The following DGLUCY variants were observed in gnomAD, a reference collection of about 807,000 sequenced individuals.
The protein encoded by DGLUCY is D-glutamate cyclase.
In DGLUCY, 58 loss-of-function variants were observed where a neutral mutation model predicts 58.5. The ratio of observed to expected loss-of-function variants is 0.99; its 90% CI spans 0.80 to 1.23. The LOEUF (loss-of-function observed/expected upper bound fraction) is 1.23. DGLUCY is among the 50% of genes most tolerant of loss of function. The probability of loss-of-function intolerance (pLI) is 0.00; values close to 1 mark genes in which losing one functional copy is unlikely to be tolerated. For synonymous variants in DGLUCY, 325 were observed against 314.1 expected, an observed-to-expected ratio of 1.03 and a Z score of -0.37; for missense variants, 779 against 784.7, an observed-to-expected ratio of 0.99 and a Z score of 0.09.
At position 91,114,084 on chromosome 14, in the gene DGLUCY, GC is replaced by G. The variant is rs1024332551; in HGVS notation, c.-280del. 1 of 152,344 alleles carries G rather than the reference GC, an allele frequency of 6.6e-6. No individual in the cohort carries two copies. The highest frequency in any genetic ancestry group is 1.5e-5 in the Non-Finnish European group (1 of 68,128). 9.4% of individuals were successfully genotyped at this position (152,344 alleles called of 1,614,324 possible). On this transcript the variant is annotated 5_prime_UTR_variant, in exon 1 of 14. Transcript: ENST00000256324. ...GGCCACGTGAGCTCAGGCTGTGGGA[GC>G]GGATGGAGCTGCTACAGTCAGCGCT...
At chr14:91,099,075 A>C (rs1303156731) in intron 1 of DGLUCY, among the ~76,000 whole-genome samples, 1 of 152,222 alleles carries the variant, frequency 6.6e-6, no homozygotes, top group Non-Finnish European at 1.5e-5. Flanking sequence ...GGAGAATGAG[A>C]GAAGATGAAG....
chr14:91,200,948 A>G (rs1057095067), intron 11 of DGLUCY, among the ~76,000 whole-genome samples: 1 of 141,478 alleles, frequency 7.1e-6, no homozygotes, highest in African/African-American at 2.7e-5. Flanking sequence ...CACAAAGTAC[A>G]TTCTCAAGGG....
chr14:91,103,670 T>C (rs935370233), upstream of DGLUCY, among the ~76,000 whole-genome samples: 7 of 152,164 alleles, frequency 4.6e-5, no homozygotes, highest in Non-Finnish European at 8.8e-5. Context: ...TCTGTCTTTC[T>C]CTCTTTATAT....
rs1410547712 is a variant in DGLUCY, at chr14:91,198,020, TGA to T, written c.1295+1553_1295+1554del. On this transcript the variant is annotated intron_variant, in intron 10 of 13. Transcript: ENST00000256324. ...TTGAAAAACACTGTCTTGGAAGGAT[TGA>T]GAGAGATGTAAAAGTACAATATGCA... 3.3e-5 allele frequency among the ~76,000 whole-genome samples: 5 copies of T among 152,306 alleles called. No individual in the cohort carries two copies. The East Asian group carries it at 9.6e-4, about 29-fold the overall frequency.
At chr14:91,214,229 C>T (rs1275013419) in intron 12 of DGLUCY, among the ~76,000 whole-genome samples, 1 of 152,100 alleles carries the variant, frequency 6.6e-6, no homozygotes, top group Non-Finnish European at 1.5e-5. Flanking sequence ...CCGTGGCTGG[C>T]CGTGTGCACA....
At chr14:91,083,915 C>T (rs2044169382) in intron 1 of DGLUCY, among the ~76,000 whole-genome samples, 1 of 152,092 alleles carries the variant, frequency 6.6e-6, no homozygotes, top group Non-Finnish European at 1.5e-5. Flanking sequence ...CCATTCTCTG[C>T]TTTAATGGCT....
chr14:91,079,151 G>C (rs377374970), intron 1 of DGLUCY, among the ~76,000 whole-genome samples: 2 of 151,726 alleles, frequency 1.3e-5, no homozygotes, highest in African/African-American at 4.8e-5. Context: ...TGATCTGCCC[G>C]CCTTGGTCTC....
intron 8 of DGLUCY, among the ~76,000 whole-genome samples, chr14:91,183,899 C>T (rs1251384655): frequency 1.3e-5 from 2 of 152,158 alleles, no homozygotes; most frequent in Non-Finnish European, 2.9e-5. Context: ...ACACCCCAGT[C>T]CCTCTTCTGG....
At chr14:91,188,652 C>A (rs964274735) in intron 8 of DGLUCY, among the ~76,000 whole-genome samples, 3 of 152,074 alleles carry the variant, frequency 2.0e-5, no homozygotes, top group African/African-American at 7.2e-5. Flanking sequence ...ATAGCAAGGT[C>A]CTATCTTTTT....
chr14:91,160,978 G>A (rs1218013305), intron 3 of DGLUCY, among the ~76,000 whole-genome samples: 1 of 152,248 alleles, frequency 6.6e-6, no homozygotes, highest in African/African-American at 2.4e-5. Flanking sequence ...AAGTACTAGA[G>A]CAAGACCATT....
intron 1 of DGLUCY, among the ~76,000 whole-genome samples, chr14:91,120,004 A>G (rs2045251001): frequency 1.3e-5 from 2 of 151,998 alleles, no homozygotes; most frequent in Non-Finnish European, 2.9e-5. Flanking sequence ...TGGCTTCCCT[A>G]CTTTTGAGGT....
chr14:91,060,568 G>T, exon 1 of DGLUCY: 1 of 1,142,792 alleles, frequency 8.8e-7, no homozygotes, highest in Non-Finnish European at 1.1e-6. Flanking sequence ...ACGCAAAGAC[G>T]AGTCTCTTTC....
intron 1 of DGLUCY, among the ~76,000 whole-genome samples, chr14:91,143,454 A>G (rs1409305313): frequency 6.6e-6 from 1 of 152,142 alleles, no homozygotes; most frequent in African/African-American, 2.4e-5. Flanking sequence ...TGGCTTGCTG[A>G]GCAGAGACAA....
In DGLUCY at chr14:91,060,389, C is replaced by A. The variant is rs202148951; in HGVS notation, c.-397C>A. On this transcript the variant is annotated 5_prime_UTR_variant, in exon 1 of 5. Coordinates refer to the DGLUCY transcript ENST00000521334. Reference sequence around the variant, plus strand: ...TGCTCTCCTCCGTCGCCGCCGTCCGCGCTGGTCCCCGCGGCGCCGCCGCTG... The same window carrying A: ...TGCTCTCCTCCGTCGCCGCCGTCCGAGCTGGTCCCCGCGGCGCCGCCGCTG... The A allele has an allele frequency of 6.1e-3, 9,183 of 1,508,710 alleles. 35 individuals carry two copies. The highest frequency in any genetic ancestry group is 8.1e-3 in the Admixed American group (408 of 50,258). The allele number at this position is 1,508,710 out of a possible 1,614,324, so 93.5% of individuals were successfully genotyped here. A position where few individuals can be genotyped will look rare whatever the true frequency, so the allele number is the denominator to read the frequency against.
upstream of DGLUCY, among the ~76,000 whole-genome samples, chr14:91,105,002 A>G (rs2044564743): frequency 6.6e-6 from 1 of 152,184 alleles, no homozygotes; most frequent in Admixed American, 6.6e-5. Flanking sequence ...ATTTTTATTT[A>G]TAACTTCTAT....
chr14:91,069,799 C>CTTTTTTTTTTTTTTTTTTTTTTTT (rs5810528), intron 1 of DGLUCY, among the ~76,000 whole-genome samples: 33 of 121,034 alleles, frequency 2.7e-4, no homozygotes, highest in Non-Finnish European at 5.1e-4. Flanking sequence ...TGATATGCCT[C>CTTTTTTTTTTTTTTTTTTTTTTTT]TTTTTTTTTT....
chr14:91,176,040 A>T lies in DGLUCY; in HGVS notation c.714A>T (p.Gly238=). The T allele has an allele frequency of 6.2e-7, 1 of 1,613,860 alleles. No individual in the cohort carries two copies. Among genetic ancestry groups the T allele is most frequent in the Non-Finnish European group, 8.5e-7 (1 of 1,179,830 alleles). Residue 238 remains glycine (G), a synonymous_variant, in exon 7 of 14, where the codon GGA becomes GGT. Coordinates refer to ENST00000256324, the MANE Select transcript of DGLUCY (RefSeq NM_001102368.3). The part of the protein sequence containing the change: ...VFWPSPLTSL[G]AVSSCETPLA... Reference sequence around the variant, plus strand: ...GGCCTTCTCCGCTGACCAGTCTCGGAGCTGTCAGCAGCTGTGGTACGTTGG... The same window carrying T: ...GGCCTTCTCCGCTGACCAGTCTCGGTGCTGTCAGCAGCTGTGGTACGTTGG...
At chr14:91,157,317 G>A (rs1231920050) in intron 1 of DGLUCY, among the ~76,000 whole-genome samples, 6 of 151,260 alleles carry the variant, frequency 4.0e-5, no homozygotes, top group Non-Finnish European at 7.4e-5. Context: ...ATGGGTGGAT[G>A]GATGGATGGA....
chr14:91,157,978 T>TG (rs1471686328), intron 2 of DGLUCY, among the ~76,000 whole-genome samples: 1 of 152,058 alleles, frequency 6.6e-6, no homozygotes, highest in Non-Finnish European at 1.5e-5. Flanking sequence ...TGAGGGTGGG[T>TG]GGAGGTACCT....
Sources: gnomAD v4.1 joint callset for allele counts (sites outside exome capture counted in the v4.1 genomes callset) on GRCh38, gnomAD v4.1.1 for gene constraint, MANE v1.5 for transcripts, NCBI Gene and HGNC (gene_info 2026-07-23, HGNC 2026-07-21) for gene names.